ZNF551: variants seen among roughly 807,000 people sequenced by gnomAD.
The protein encoded by ZNF551 is zinc finger protein 551, also known as KOX 23 protein (56 AA).
A neutral mutation model predicts 7.9 loss-of-function variants in ZNF551; 5 were observed. The observed-to-expected ratio is 0.63, with a 90% CI of 0.33 to 1.33. ZNF551 has a LOEUF of 1.33. ZNF551 is among the 40% of genes most tolerant of loss of function. ZNF551 has a pLI of 0.05. For synonymous variants in ZNF551, 287 were observed against 277.3 expected, an observed-to-expected ratio of 1.03 and a Z score of -0.35; for missense variants, 788 against 825.2, an observed-to-expected ratio of 0.95 and a Z score of 0.55.
Position 57,688,389 on chromosome 19 carries a change from G to T in ZNF551, c.*101G>T, listed in dbSNP as rs910042086. The T allele has an allele frequency of 3.4e-6, 5 of 1,466,640 alleles. No individual in the cohort carries two copies. In the Admixed American group the frequency reaches 1.1e-4, roughly 31 times the overall value. 90.9% of individuals were successfully genotyped at this position (1,466,640 alleles called of 1,614,324 possible). A position where few individuals can be genotyped will look rare whatever the true frequency, so the allele number is the denominator to read the frequency against. ...TTAAACTTTGAGCACCCACAGTGGGGTATTCTTCATAAGTTTCAGGTATGT... is the reference window on the plus strand; with the variant it reads ...TTAAACTTTGAGCACCCACAGTGGGTTATTCTTCATAAGTTTCAGGTATGT... On this transcript the variant is annotated 3_prime_UTR_variant, in exon 3 of 3. Transcript: ENST00000282296.
Position 57,689,688 on chromosome 19 carries a change from A to G in ZNF551, c.*1400A>G, listed in dbSNP as rs1984703084. On this transcript the variant is annotated 3_prime_UTR_variant, in exon 3 of 3. Coordinates refer to ENST00000282296, the MANE Select transcript of ZNF551 (RefSeq NM_138347.5). ...GCAGCATGCGCCTATAGTCCCAGCC[A>G]CTTGGGAGGCTGAGGCAGGAGAATC... The G allele has an allele frequency of 6.6e-6, 1 of 152,280 alleles. No individual in the cohort carries two copies. Among genetic ancestry groups the G allele is most frequent in the South Asian group, 2.1e-4 (1 of 4,828 alleles). 9.4% of individuals were successfully genotyped at this position (152,280 alleles called of 1,614,324 possible). A position where few individuals can be genotyped will look rare whatever the true frequency, so the allele number is the denominator to read the frequency against.
rs191121494 is a variant in ZNF551 at position 57,684,866 on chromosome 19, C to T, written c.82-396C>T. The stretch of plus-strand genomic sequence containing the variant: ...ATAAACTGAGGGCCATATGGGTGAA[C>T]GGGAGTCAGAGGGGTAAAGGGTAAG... On this transcript the variant is annotated intron_variant, in intron 1 of 2. Coordinates refer to ENST00000282296, the MANE Select transcript of ZNF551 (RefSeq NM_138347.5). 8.8e-4 allele frequency among the ~76,000 whole-genome samples: 134 copies of T among 152,164 alleles called. 3 individuals carry two copies. Among genetic ancestry groups the T allele is most frequent in the East Asian group, 2.1e-3 (11 of 5,172 alleles).
rs982937119 is a variant in ZNF551 at position 57,688,376 on chromosome 19, C to T, written c.*88C>T. The T allele has an allele frequency of 2.0e-6, 3 of 1,511,050 alleles. No individual in the cohort carries two copies. The highest frequency in any genetic ancestry group is 2.7e-6 in the Non-Finnish European group (3 of 1,120,120). The allele number at this position is 1,511,050 out of a possible 1,614,324, so 93.6% of individuals were successfully genotyped here. ...CATCTTCGTAAATTTAAACTTTGAGCACCCACAGTGGGGTATTCTTCATAA... is the reference window on the plus strand; with the variant it reads ...CATCTTCGTAAATTTAAACTTTGAGTACCCACAGTGGGGTATTCTTCATAA... On this transcript the variant is annotated 3_prime_UTR_variant, in exon 3 of 3. Coordinates refer to ENST00000282296, the MANE Select transcript of ZNF551 (RefSeq NM_138347.5).
At chr19:57,686,317 A>G (rs1202545591) in intron 2 of ZNF551, among the ~76,000 whole-genome samples, 164 bp from the exon 3 acceptor site, 1 of 152,160 alleles carries the variant, frequency 6.6e-6, no homozygotes, top group Non-Finnish European at 1.5e-5. Flanking sequence ...CATCTCTAAA[A>G]TCTTAAAAAA....
chr19:57,686,646 C>T lies in ZNF551; in HGVS notation c.371C>T (p.Thr124Ile). The change falls in exon 3 of 3, where the codon ACC becomes ATC. Residue 124 changes from threonine to isoleucine, a missense_variant. Coordinates refer to ENST00000282296, the MANE Select transcript of ZNF551 (RefSeq NM_138347.5). ...KDILPAAEHQ[T>I]TSPVQKSYLG... ...ATTTTGCCTGCGGCTGAGCACCAAA[C>T]CACATCCCCTGTGCAAAAGTCATAC... 1 of 1,614,202 alleles carries T rather than the reference C, an allele frequency of 6.2e-7. No individual in the cohort carries two copies. Among genetic ancestry groups the T allele is most frequent in the South Asian group, 1.1e-5 (1 of 91,088 alleles).
In ZNF551 at chr19:57,687,777, G is replaced by C; in HGVS notation, c.1502G>C (p.Arg501Thr). 6.2e-7 allele frequency: 1 copy of C among 1,614,212 alleles called. No homozygotes were observed. Residue 501 changes from arginine (R) to threonine (T), a missense_variant, in exon 3 of 3, where the codon AGA becomes ACA. Physicochemically the swap from Arg to Thr is moderately conservative, Grantham distance 71. Transcript: ENST00000282296. ...CACCAAAGAGTTCACACTGGAGAAA[G>C]ACCTTATGAATGCAGTGAATGTGGA... The part of the protein sequence containing the change: ...IQHQRVHTGE[R>T]PYECSECGKS...
chr19:57,686,869 C>T lies in ZNF551; in HGVS notation c.594C>T (p.Ala198=), dbSNP rs923310441. 24 of 1,614,174 alleles carry T rather than the reference C, an allele frequency of 1.5e-5. No individual in the cohort carries two copies. Among genetic ancestry groups the T allele is most frequent in the Non-Finnish European group, 1.9e-5 (22 of 1,180,030 alleles). The change falls in exon 3 of 3, where the codon GCC becomes GCT. Residue 198 remains alanine, a synonymous_variant. Transcript: ENST00000282296. ...PAPTDLLQHE[A]TPSGEEPHSS... ...CCACGGACCTACTCCAACACGAAGCCACTCCCAGTGGTGAGGAGCCACACA... is the reference window on the plus strand; with the variant it reads ...CCACGGACCTACTCCAACACGAAGCTACTCCCAGTGGTGAGGAGCCACACA...
At position 57,688,460 on chromosome 19, in the gene ZNF551, C is replaced by T; in HGVS notation, c.*172C>T. 1 of 911,012 alleles carries T rather than the reference C, an allele frequency of 1.1e-6. No individual in the cohort carries two copies. Among genetic ancestry groups the T allele is most frequent in the East Asian group, 2.6e-5 (1 of 37,756 alleles). The allele number at this position is 911,012 out of a possible 1,614,324, so 56.4% of individuals were successfully genotyped here. On this transcript the variant is annotated 3_prime_UTR_variant, in exon 3 of 3. Coordinates refer to ENST00000282296, the MANE Select transcript of ZNF551 (RefSeq NM_138347.5). ...ATTGTAATTTCTAATCTGCCGAGGC[C>T]TATAGCCTGATTTATGTCACTGCCA...
Position 57,682,071 on chromosome 19 carries a change from C to T in ZNF551, c.-93C>T. 2 of 1,344,228 alleles carry T rather than the reference C, an allele frequency of 1.5e-6. No individual in the cohort carries two copies. Among genetic ancestry groups the T allele is most frequent in the Non-Finnish European group, 2.0e-6 (2 of 985,866 alleles). The allele number at this position is 1,344,228 out of a possible 1,614,324, so 83.3% of individuals were successfully genotyped here. A position where few individuals can be genotyped will look rare whatever the true frequency, so the allele number is the denominator to read the frequency against. ...TGCAGTGGAGGTCGCGACTGAGGGACGGGACAGAGAAGTCGCGAAAGTGGG... is the reference window on the plus strand; with the variant it reads ...TGCAGTGGAGGTCGCGACTGAGGGATGGGACAGAGAAGTCGCGAAAGTGGG... On this transcript the variant is annotated 5_prime_UTR_variant, in exon 1 of 3. In the 5' UTR this introduces an upstream ATG that the reference lacks. Transcript: ENST00000282296.
chr19:57,690,422 C>T lies in ZNF551; in HGVS notation c.*2134C>T, dbSNP rs1019671137. On this transcript the variant is annotated 3_prime_UTR_variant, in exon 3 of 3. Coordinates refer to ENST00000282296, the MANE Select transcript of ZNF551 (RefSeq NM_138347.5). The stretch of plus-strand genomic sequence containing the variant: ...ACACACGTATACGCATATACGTATA[C>T]GTATATATATACATATGTGTTTATA... 3.3e-4 allele frequency: 50 copies of T among 150,208 alleles called. No homozygotes were observed. The highest frequency in any genetic ancestry group is 1.2e-3 in the African/African-American group (48 of 40,774). The allele number at this position is 150,208 out of a possible 1,614,324, so 9.3% of individuals were successfully genotyped here.
intron 1 of ZNF551, among the ~76,000 whole-genome samples, chr19:57,682,575 C>A (rs956907163): frequency 6.6e-6 from 1 of 152,178 alleles, no homozygotes; most frequent in Admixed American, 6.5e-5. Flanking sequence ...GATTTGTGAA[C>A]AGATAGGGAC....
In ZNF551 at chr19:57,682,393, G is replaced by C. The variant is rs1984415243; in HGVS notation, c.81+149G>C. 12 of 814,764 alleles carry C rather than the reference G, an allele frequency of 1.5e-5. No homozygotes were observed. In the South Asian group the frequency reaches 2.3e-4, roughly 15 times the overall value. The allele number at this position is 814,764 out of a possible 1,614,324, so 50.5% of individuals were successfully genotyped here. ...GGATTGGACCCGTTTGTGACGCCCA[G>C]TGTGTACGGAAATGTGACGGGCAGT... is the stretch of plus-strand genomic sequence containing the variant. On this transcript the variant is annotated intron_variant, in intron 1 of 2. Transcript: ENST00000282296.
At chr19:57,683,418 T>C (rs1210532566) in intron 1 of ZNF551, among the ~76,000 whole-genome samples, 1 of 152,148 alleles carries the variant, frequency 6.6e-6, no homozygotes, top group Non-Finnish European at 1.5e-5. Context: ...AAGTACATAG[T>C]AGGAGTAGTT....
Position 57,688,388 on chromosome 19 carries a change from G to A in ZNF551, c.*100G>A. Reference sequence around the variant, plus strand: ...TTTAAACTTTGAGCACCCACAGTGGGGTATTCTTCATAAGTTTCAGGTATG... The same window carrying A: ...TTTAAACTTTGAGCACCCACAGTGGAGTATTCTTCATAAGTTTCAGGTATG... On this transcript the variant is annotated 3_prime_UTR_variant, in exon 3 of 3. Coordinates refer to ENST00000282296, the MANE Select transcript of ZNF551 (RefSeq NM_138347.5). 6.8e-7 allele frequency: 1 copy of A among 1,469,924 alleles called. No individual in the cohort carries two copies. Among genetic ancestry groups the A allele is most frequent in the South Asian group, 1.3e-5 (1 of 74,556 alleles). The allele number at this position is 1,469,924 out of a possible 1,614,324, so 91.1% of individuals were successfully genotyped here.
Position 57,688,561 on chromosome 19 carries a change from C to A in ZNF551, c.*273C>A. On this transcript the variant is annotated 3_prime_UTR_variant, in exon 3 of 3. Coordinates refer to ENST00000282296, the MANE Select transcript of ZNF551 (RefSeq NM_138347.5). ...GCACACCATGTGCATGAGTCACTTC[C>A]CCACAGTGCTCAGAGAAGCAAACCT... 1 of 479,042 alleles carries A rather than the reference C, an allele frequency of 2.1e-6. No homozygotes were observed. The highest frequency in any genetic ancestry group is 2.8e-5 in the South Asian group (1 of 36,292). 29.7% of individuals were successfully genotyped at this position (479,042 alleles called of 1,614,324 possible).
chr19:57,684,831 AAG>A (rs1457339512), intron 1 of ZNF551, among the ~76,000 whole-genome samples: 2 of 152,106 alleles, frequency 1.3e-5, no homozygotes, highest in African/African-American at 4.8e-5. Context: ...TGTACATGAG[AAG>A]AGAGAGAATA....
Position 57,687,732 on chromosome 19 carries a change from G to A in ZNF551, c.1457G>A (p.Arg486His), listed in dbSNP as rs138423649. 9.9e-5 allele frequency: 160 copies of A among 1,612,930 alleles called. No individual in the cohort carries two copies. The highest frequency in any genetic ancestry group is 1.2e-4 in the Non-Finnish European group (141 of 1,179,648). Residue 486 changes from arginine (R) to histidine (H), a missense_variant, in exon 3 of 3, where the codon CGC (arginine) becomes CAC (histidine). Physicochemically the swap from Arg to His is conservative, Grantham distance 29. Transcript: ENST00000282296. ...AGTGAATGTGAGAAATCCTTTAGCC[G>A]CAAATTTATCCTGATTCAACACCAA... Reference protein sequence around the residue: ...ECSECEKSFSRKFILIQHQRV... With the variant: ...ECSECEKSFSHKFILIQHQRV...
At position 57,685,356 on chromosome 19, in the gene ZNF551, T is replaced by C; in HGVS notation, c.176T>C (p.Leu59Pro). The change falls in exon 2 of 3, where the codon CTG (leucine) becomes CCG (proline). Residue 59 changes from leucine to proline, a missense_variant. Transcript: ENST00000282296. Reference protein sequence around the residue: ...SQRFLYCDVMLENFAHVTSLG... With the variant: ...SQRFLYCDVMPENFAHVTSLG... Reference sequence around the variant, plus strand: ...AGGTTCCTGTACTGCGATGTGATGCTGGAGAACTTTGCACATGTAACATCC... The same window carrying C: ...AGGTTCCTGTACTGCGATGTGATGCCGGAGAACTTTGCACATGTAACATCC... The C allele has an allele frequency of 6.2e-7, 1 of 1,614,166 alleles. No homozygotes were observed. The highest frequency in any genetic ancestry group is 8.5e-7 in the Non-Finnish European group (1 of 1,179,988).
chr19:57,683,441 A>G (rs1421511943), intron 1 of ZNF551, among the ~76,000 whole-genome samples: 1 of 152,196 alleles, frequency 6.6e-6, no homozygotes, highest in Non-Finnish European at 1.5e-5. Flanking sequence ...CATTTGGGAT[A>G]TCAGAAGTTT....
Sources: gnomAD v4.1 joint callset for allele counts (sites outside exome capture counted in the v4.1 genomes callset) on GRCh38, gnomAD v4.1.1 for gene constraint, MANE v1.5 for transcripts, NCBI Gene and HGNC (gene_info 2026-07-23, HGNC 2026-07-21) for gene names.